Variants in AGBL4 observed in about 807,000 individuals in gnomAD.
The protein encoded by AGBL4 is AGBL carboxypeptidase 4.
In AGBL4, 58 loss-of-function variants were observed where a neutral mutation model predicts 66.4. The observed-to-expected ratio is 0.87, with a 90% CI of 0.71 to 1.09. AGBL4 has a LOEUF of 1.09. Among genes scored for constraint, AGBL4 ranks in the 50% least tolerant of loss-of-function variants. AGBL4 has a pLI of 0.00. For missense variants in AGBL4, 579 were observed against 631.0 expected (o/e 0.92, Z 0.88); for synonymous variants, 234 against 222.9 (o/e 1.05, Z -0.44).
chr1:49,806,719 C>T (rs1328943651), intron 2 of AGBL4, among the ~76,000 whole-genome samples: 3 of 152,140 alleles, frequency 2.0e-5, no homozygotes, highest in African/African-American at 7.2e-5. Context: ...ACCAGGGATA[C>T]CCCTCTTATT....
intron 5 of AGBL4, among the ~76,000 whole-genome samples, chr1:49,022,568 G>A (rs1015279741): frequency 6.6e-6 from 1 of 152,002 alleles, no homozygotes; most frequent in African/African-American, 2.4e-5. Context: ...CCCACATCCA[G>A]GACTGCTATA....
At position 48,622,740 on chromosome 1, in the gene AGBL4, T is replaced by C. The variant is rs577655787; in HGVS notation, c.951+11753A>G. Among the ~76,000 whole-genome samples the C allele has an allele frequency of 1.3e-3, 191 of 152,254 alleles. 1 individual carries two copies. Among genetic ancestry groups the C allele is most frequent in the South Asian group, 1.7e-3 (8 of 4,814 alleles). On this transcript the variant is annotated intron_variant, in intron 9 of 13. Coordinates refer to ENST00000371839, the MANE Select transcript of AGBL4 (RefSeq NM_032785.4). ...CTCTGGTGATCCACCCGCCTTGGCCTCCCAAAGAGCTGGTATTACAGGCAT... is the reference window on the plus strand; with the variant it reads ...CTCTGGTGATCCACCCGCCTTGGCCCCCCAAAGAGCTGGTATTACAGGCAT...
intron 9 of AGBL4, among the ~76,000 whole-genome samples, chr1:48,620,371 A>C (rs1368174604): frequency 1.3e-5 from 2 of 152,166 alleles, no homozygotes; most frequent in Non-Finnish European, 2.9e-5. Context: ...ATCCCCACTG[A>C]GCTCAAGCAA....
At chr1:49,608,033 T>G (rs1004507866) in intron 3 of AGBL4, among the ~76,000 whole-genome samples, 4 of 152,106 alleles carry the variant, frequency 2.6e-5, no homozygotes, top group Admixed American at 2.0e-4. Context: ...CCAGACTCAG[T>G]GTTACTGGGG....
intron 3 of AGBL4, among the ~76,000 whole-genome samples, chr1:49,656,864 A>G (rs929099787): frequency 6.6e-6 from 1 of 152,226 alleles, no homozygotes; most frequent in Non-Finnish European, 1.5e-5. Context: ...TCTCAAAATA[A>G]TAAGAGCTAC....
intron 3 of AGBL4, among the ~76,000 whole-genome samples, chr1:49,612,880 G>A (rs184203519): frequency 6.6e-6 from 1 of 152,260 alleles, no homozygotes; most frequent in East Asian, 1.9e-4. Flanking sequence ...CCCATTGCTG[G>A]GTATAGACCC....
intron 4 of AGBL4, among the ~76,000 whole-genome samples, chr1:49,126,713 T>A (rs1028751292): frequency 6.6e-6 from 1 of 152,152 alleles, no homozygotes; most frequent in African/African-American, 2.4e-5. Context: ...GTCCAGCCCA[T>A]ACTTTCTCAA....
At chr1:49,792,920 CTTAT>C (rs1362112876) in intron 2 of AGBL4, among the ~76,000 whole-genome samples, 1 of 151,926 alleles carries the variant, frequency 6.6e-6, no homozygotes, top group Non-Finnish European at 1.5e-5. Context: ...ACTCAAATTT[CTTAT>C]TTGTTTAATG....
intron 3 of AGBL4, among the ~76,000 whole-genome samples, chr1:49,555,602 G>A (rs902876260): frequency 9.9e-5 from 15 of 150,826 alleles, no homozygotes; most frequent in Non-Finnish European, 1.6e-4. Context: ...CTAATCTAGT[G>A]GGGACTTGGA....
chr1:50,001,650 C>T lies in AGBL4; in HGVS notation c.34+22113G>A, dbSNP rs559052620. On this transcript the variant is annotated intron_variant, in intron 1 of 13. Coordinates refer to ENST00000371839, the MANE Select transcript of AGBL4 (RefSeq NM_032785.4). The stretch of plus-strand genomic sequence containing the variant: ...AAATTAAGGAGAAAATAGGGAATGA[C>T]GGGGACTGTCATACCAAACGGCCTT... 5.3e-5 allele frequency among the ~76,000 whole-genome samples: 8 copies of T among 152,074 alleles called. No homozygotes were observed. The South Asian group carries it at 8.3e-4, about 16-fold the overall frequency.
Position 49,708,600 on chromosome 1 carries a change from C to T in AGBL4, c.158-11163G>A, listed in dbSNP as rs368346844. ...CCATCCAGTTTTGTTCCCTTGCTGG[C>T]GAGGAGTTGTGATCCTTTGGAGGAG... On this transcript the variant is annotated intron_variant, in intron 2 of 13. Coordinates refer to ENST00000371839, the MANE Select transcript of AGBL4 (RefSeq NM_032785.4). Among the ~76,000 whole-genome samples, 52 of 152,132 alleles carry T rather than the reference C, an allele frequency of 3.4e-4. 1 individual carries two copies. In the South Asian group the frequency reaches 9.6e-3, roughly 28 times the overall value.
chr1:48,566,143 C>T (rs535207272), intron 11 of AGBL4, among the ~76,000 whole-genome samples: 10 of 152,290 alleles, frequency 6.6e-5, no homozygotes, highest in African/African-American at 2.4e-4. Flanking sequence ...TAAGGCTTTC[C>T]ATGATCTGAC....
At chr1:49,559,722 G>T (rs778638651) in intron 3 of AGBL4, among the ~76,000 whole-genome samples, 6 of 152,112 alleles carry the variant, frequency 3.9e-5, no homozygotes, top group Non-Finnish European at 7.4e-5. Context: ...CCAGTGGTTT[G>T]CCAGGGGCTC....
chr1:49,901,182 C>G (rs1649734528), intron 1 of AGBL4, among the ~76,000 whole-genome samples: 1 of 152,108 alleles, frequency 6.6e-6, no homozygotes, highest in African/African-American at 2.4e-5. Flanking sequence ...GTACTGGAAT[C>G]CCTGGCCAGA....
chr1:49,145,228 C>G (rs1243344604), intron 4 of AGBL4, among the ~76,000 whole-genome samples: 2 of 152,106 alleles, frequency 1.3e-5, no homozygotes, highest in Non-Finnish European at 2.9e-5. Flanking sequence ...AATCTCACAT[C>G]ATTCTCTACT....
intron 3 of AGBL4, 56 bp downstream of exon 3, chr1:49,697,257 C>A: frequency 6.7e-7 from 1 of 1,481,964 alleles, no homozygotes; most frequent in Non-Finnish European, 9.1e-7. Flanking sequence ...TAAAAGAAGA[C>A]AAAAGCATAT....
At chr1:48,687,229 A>T (rs1237085203) in intron 6 of AGBL4, among the ~76,000 whole-genome samples, 1 of 152,096 alleles carries the variant, frequency 6.6e-6, no homozygotes, top group African/African-American at 2.4e-5. Context: ...GAAAGAGAAG[A>T]GGAGGGGGCA....
intron 3 of AGBL4, among the ~76,000 whole-genome samples, chr1:49,353,747 G>A (rs1643959341): frequency 6.6e-6 from 1 of 152,120 alleles, no homozygotes; most frequent in African/African-American, 2.4e-5. Flanking sequence ...AAGAGTGGCA[G>A]GCGGCAGAGC....
chr1:49,846,496 C>G (rs1646147377), intron 2 of AGBL4: 2 of 896,024 alleles, frequency 2.2e-6, no homozygotes, highest in Non-Finnish European at 3.3e-6. Context: ...AAACATATGT[C>G]TTTATCAACA....
Sources: gnomAD v4.1 joint callset for allele counts (sites outside exome capture counted in the v4.1 genomes callset) on GRCh38, gnomAD v4.1.1 for gene constraint, MANE v1.5 for transcripts, NCBI Gene and HGNC (gene_info 2026-07-23, HGNC 2026-07-21) for gene names.